The following SOX6 variants were observed in gnomAD, a reference collection of about 807,000 sequenced individuals.
SOX6 encodes the protein transcription factor SOX-6.
A neutral mutation model predicts 97.8 loss-of-function variants in SOX6; 11 were observed. The observed-to-expected ratio is 0.11, with a 90% CI of 0.07 to 0.19. The LOEUF (loss-of-function observed/expected upper bound fraction) is 0.19. Among genes scored for constraint, SOX6 ranks in the 10% least tolerant of loss-of-function variants. The pLI is 1.00. For synonymous variants in SOX6, 360 were observed against 371.4 expected (o/e 0.97, Z 0.35); for missense variants, 810 against 1,039.5 (o/e 0.78, Z 3.04).
chr11:16,117,447 T>G (rs1849377824), intron 6 of SOX6, among the ~76,000 whole-genome samples: 1 of 152,216 alleles, frequency 6.6e-6, no homozygotes. Flanking sequence ...TTCTACAGAA[T>G]GCTCATCAGT....
chr11:16,523,023 A>G (rs552334109), intron 4 of SOX6, among the ~76,000 whole-genome samples: 1 of 152,308 alleles, frequency 6.6e-6, no homozygotes, highest in South Asian at 2.1e-4. Context: ...CTCCCACACA[A>G]TAATAATGGG....
chr11:16,296,770 A>G (rs1043229511), intron 3 of SOX6, among the ~76,000 whole-genome samples: 75 of 152,138 alleles, frequency 4.9e-4, no homozygotes, highest in Non-Finnish European at 7.9e-4. Flanking sequence ...TTTTAAGTCA[A>G]AAGTACTTAG....
Position 16,137,768 on chromosome 11 carries a change from T to G in SOX6, c.778-25845A>C. On this transcript the variant is annotated intron_variant, in intron 6 of 15. Coordinates refer to ENST00000683767, the MANE Select transcript of SOX6 (RefSeq NM_001367873.1). Reference sequence around the variant, plus strand: ...CCTACGTGCCATGAGAGGGACCAGGTGGAGATAATTGAATGCTGGGGGCAG... The same window carrying G: ...CCTACGTGCCATGAGAGGGACCAGGGGGAGATAATTGAATGCTGGGGGCAG... Among the ~76,000 whole-genome samples the G allele has an allele frequency of 1.3e-5, 2 of 151,968 alleles. 1 individual carries two copies. Among genetic ancestry groups the G allele is most frequent in the East Asian group, 3.9e-4 (2 of 5,172 alleles).
intron 3 of SOX6, among the ~76,000 whole-genome samples, chr11:16,259,802 T>C (rs1042934954): frequency 6.6e-6 from 1 of 152,002 alleles, no homozygotes; most frequent in African/African-American, 2.4e-5. Flanking sequence ...TCCAGGATAC[T>C]AGAAATGTTC....
intron 1 of SOX6, among the ~76,000 whole-genome samples, chr11:16,440,603 G>A (rs1272805771): frequency 6.6e-6 from 1 of 152,180 alleles, no homozygotes; most frequent in Non-Finnish European, 1.5e-5. Flanking sequence ...GTCAGTCAGT[G>A]TCTAAAATAG....
At chr11:16,280,816 A>C (rs908935850) in intron 3 of SOX6, among the ~76,000 whole-genome samples, 3 of 152,180 alleles carry the variant, frequency 2.0e-5, no homozygotes, top group Non-Finnish European at 4.4e-5. Context: ...TATATGTATG[A>C]ATATTCAATA....
At chr11:16,643,093 G>T (rs903043455) in intron 3 of SOX6, among the ~76,000 whole-genome samples, 12 of 152,124 alleles carry the variant, frequency 7.9e-5, no homozygotes, top group Non-Finnish European at 1.2e-4. Context: ...TGGGGTTTTG[G>T]TGTGGATGTC....
intron 6 of SOX6, among the ~76,000 whole-genome samples, chr11:16,137,486 C>T (rs1194642336): frequency 6.6e-6 from 1 of 152,082 alleles, no homozygotes; most frequent in Non-Finnish European, 1.5e-5. Context: ...GAGAGTAAGA[C>T]ACACTGTATA....
At chr11:16,062,755 C>T (rs1400696889) in intron 9 of SOX6, among the ~76,000 whole-genome samples, 1 of 151,624 alleles carries the variant, frequency 6.6e-6, no homozygotes, top group Non-Finnish European at 1.5e-5. Flanking sequence ...AATGATTTTA[C>T]TTTATGGCTT....
At position 16,093,401 on chromosome 11, in the gene SOX6, T is replaced by C. The variant is rs571139697; in HGVS notation, c.1101+2595A>G. Among the ~76,000 whole-genome samples, 10 of 152,006 alleles carry C rather than the reference T, an allele frequency of 6.6e-5. No homozygotes were observed. The South Asian group carries it at 1.9e-3, about 28-fold the overall frequency. The stretch of plus-strand genomic sequence containing the variant: ...TCCTTATTTTAAAGAAAGAAAGTAA[T>C]GGCATATGCTAATATAAGGAGAGTC... On this transcript the variant is annotated intron_variant, in intron 9 of 15. Transcript: ENST00000683767.
chr11:16,066,372 T>C (rs1394652782), intron 9 of SOX6, among the ~76,000 whole-genome samples: 1 of 152,180 alleles, frequency 6.6e-6, no homozygotes, highest in Admixed American at 6.5e-5. Context: ...ATAATAGAGT[T>C]ACCATATGAT....
intron 6 of SOX6, among the ~76,000 whole-genome samples, chr11:16,155,051 GAA>G (rs34170019): frequency 7.0e-6 from 1 of 143,082 alleles, no homozygotes. Context: ...CTGATTGTCA[GAA>G]AAAAAAAAAA....
intron 3 of SOX6, among the ~76,000 whole-genome samples, chr11:16,671,799 ACTC>A (rs367939153): frequency 1.1e-4 from 16 of 152,292 alleles, no homozygotes; most frequent in African/African-American, 1.9e-4. Flanking sequence ...AATACAGAGA[ACTC>A]CTGAAAGATT....
At chr11:16,224,510 C>T (rs986974485) in intron 4 of SOX6, among the ~76,000 whole-genome samples, 5 of 151,842 alleles carry the variant, frequency 3.3e-5, no homozygotes, top group African/African-American at 1.2e-4. Flanking sequence ...TTAAGAAGAC[C>T]TTGTGTCTCT....
chr11:16,479,112 G>A (rs1860300808), upstream of SOX6, among the ~76,000 whole-genome samples: 4 of 151,952 alleles, frequency 2.6e-5, no homozygotes, highest in South Asian at 2.1e-4. Context: ...ATCCAACCTG[G>A]GTCACAGTCT....
chr11:16,233,618 T>G (rs546349303), intron 4 of SOX6, among the ~76,000 whole-genome samples: 25 of 152,294 alleles, frequency 1.6e-4, no homozygotes, highest in African/African-American at 5.8e-4. Flanking sequence ...CTTTCTTAAG[T>G]GCCAGGTACT....
intron 3 of SOX6, among the ~76,000 whole-genome samples, chr11:16,689,609 A>C (rs1847997245): frequency 6.6e-6 from 1 of 152,250 alleles, no homozygotes; most frequent in Non-Finnish European, 1.5e-5. Flanking sequence ...TCCTAGCAGC[A>C]TGCTTGGCAT....
chr11:16,595,369 T>C (rs4237714), intron 4 of SOX6, among the ~76,000 whole-genome samples: 25,536 of 152,120 alleles, frequency 0.17, 2,790 homozygotes, highest in East Asian at 0.32. Flanking sequence ...AGTAAGTGTG[T>C]TTAACTTGGA....
chr11:15,974,830 A>T (rs544125526), intron 15 of SOX6, among the ~76,000 whole-genome samples: 4 of 152,214 alleles, frequency 2.6e-5, no homozygotes, highest in African/African-American at 9.6e-5. Context: ...TAACATATAA[A>T]ATATTTTCAG....
Sources: allele counts gnomAD v4.1 joint callset (sites outside exome capture counted in the v4.1 genomes callset), GRCh38; gene constraint gnomAD v4.1.1; transcripts MANE v1.5; gene names NCBI Gene and HGNC (gene_info 2026-07-23, HGNC 2026-07-21).